The following NEB variants were observed in gnomAD, a reference collection of about 807,000 sequenced individuals.
NEB encodes the protein nemaline myopathy type 2.
In NEB, 512 loss-of-function variants were observed where a neutral mutation model predicts 952.2. The observed-to-expected ratio is 0.54, with a 90% CI of 0.50 to 0.58. The LOEUF is 0.58. NEB is among the 20% of genes least tolerant of loss of function. The pLI, the probability that NEB is intolerant of heterozygous loss-of-function variation, is 0.00. For synonymous variants in NEB, 2,900 were observed against 3,149.8 expected (o/e 0.92, Z 2.66); for missense variants, 8,428 against 9,231.1 (o/e 0.91, Z 3.56).
chr2:151,514,771 G>T, intron 158 of NEB, 47 bp downstream of exon 158: 2 of 1,263,784 alleles, frequency 1.6e-6, no homozygotes, highest in Non-Finnish European at 2.2e-6. Flanking sequence ...TGTCACTAGT[G>T]CAATTATTTG....
chr2:151,545,809 G>T, intron 135 of NEB, 79 bp downstream of exon 135: 1 of 829,410 alleles, frequency 1.2e-6, no homozygotes, highest in Non-Finnish European at 1.9e-6. Context: ...GATCACTAGA[G>T]GAACTAAGAG....
At chr2:151,669,241 G>A (rs772555370) in intron 38 of NEB, 110 bp from the exon 39 acceptor site, 23 of 738,920 alleles carry the variant, frequency 3.1e-5, no homozygotes, top group Non-Finnish European at 4.1e-5. Flanking sequence ...TTCCATTTAC[G>A]AGACAAATAC....
intron 107 of NEB, among the ~76,000 whole-genome samples, chr2:151,571,892 G>C (rs1314745669): frequency 6.6e-6 from 1 of 152,154 alleles, no homozygotes; most frequent in Non-Finnish European, 1.5e-5. Flanking sequence ...AAAAATGAGT[G>C]CTCAAATTTT....
intron 164 of NEB, 43 bp from the exon 165 acceptor site, chr2:151,505,613 T>C (rs368764053): frequency 1.2e-5 from 18 of 1,465,156 alleles, no homozygotes; most frequent in Non-Finnish European, 1.4e-5. Flanking sequence ...TATTACATGC[T>C]GGACTGTTAT....
At chr2:151,516,423 G>A in intron 157 of NEB, 36 bp downstream of exon 157, 1 of 1,404,764 alleles carries the variant, frequency 7.1e-7, no homozygotes, top group Non-Finnish European at 1.0e-6. Flanking sequence ...GTAGTGTGAT[G>A]GATCATTGTT....
At position 151,631,096 on chromosome 2, in the gene NEB, T is replaced by C. The variant is rs1390260949; in HGVS notation, c.9618+47A>G. ...GACTCCATTAGTCATTAAAGTATAATAACATCTTCTGGCATCTTGGAGAAG... is the reference window on the plus strand; with the variant it reads ...GACTCCATTAGTCATTAAAGTATAACAACATCTTCTGGCATCTTGGAGAAG... On this transcript the variant is annotated intron_variant, in intron 66 of 181. Coordinates refer to ENST00000397345, the MANE Select transcript of NEB (RefSeq NM_001164508.2). The C allele has an allele frequency of 1.8e-5, 29 of 1,604,884 alleles. No homozygotes were observed. In the Admixed American group the frequency reaches 4.8e-4, roughly 27 times the overall value.
chr2:151,721,442 C>T (rs1313878177), intron 9 of NEB, among the ~76,000 whole-genome samples: 1 of 152,074 alleles, frequency 6.6e-6, no homozygotes, highest in Non-Finnish European at 1.5e-5. Flanking sequence ...TACCTGTGTC[C>T]CCTTGTTCAA....
intron 9 of NEB, among the ~76,000 whole-genome samples, chr2:151,721,656 T>C (rs1029606693): frequency 6.6e-6 from 1 of 152,236 alleles, no homozygotes; most frequent in African/African-American, 2.4e-5. Context: ...TTATAAATTC[T>C]AAGAGGAAAG....
In NEB at chr2:151,568,078, T is replaced by C; in HGVS notation, c.17837A>G (p.Gln5946Arg). Residue 5946 changes from glutamine (Q) to arginine (R), a missense_variant, in exon 113 of 182, where the codon CAG becomes CGG. Physicochemically the swap from Gln to Arg is conservative, Grantham distance 43. Transcript: ENST00000397345. The stretch of plus-strand genomic sequence containing the variant: ...CCCATCAGGATGTATTACCTCACTC[T>C]GAACGTCATTGCAGTGATGGGCATG... ...FVHAHHCNDV[Q>R]SELKYKAEHV... is the part of the protein sequence containing the mutation. 6.2e-7 allele frequency: 1 copy of C among 1,613,130 alleles called. No homozygotes were observed. Among genetic ancestry groups the C allele is most frequent in the Non-Finnish European group, 8.5e-7 (1 of 1,179,360 alleles).
intron 10 of NEB, among the ~76,000 whole-genome samples, chr2:151,712,628 T>G (rs572475180): frequency 6.6e-6 from 1 of 152,226 alleles, no homozygotes; most frequent in African/African-American, 2.4e-5. Context: ...AGGAGGAGGC[T>G]GGAGCTTGCT....
chr2:151,633,540 C>A (rs750221285), intron 65 of NEB, 114 bp downstream of exon 65: 1 of 1,356,720 alleles, frequency 7.4e-7, no homozygotes, highest in Non-Finnish European at 9.8e-7. Flanking sequence ...TGATTTAAAT[C>A]TTATTCATGG....
intron 161 of NEB, among the ~76,000 whole-genome samples, chr2:151,509,327 A>AAAAC (rs74954359): frequency 0.27 from 40,917 of 152,042 alleles, 6,218 homozygotes; most frequent in Admixed American, 0.4. Flanking sequence ...AGATGTAAGG[A>AAAAC]AAACAGTTCT....
At chr2:151,619,312 T>G in intron 73 of NEB, 139 bp downstream of exon 73, 1 of 977,866 alleles carries the variant, frequency 1.0e-6, no homozygotes, top group Non-Finnish European at 1.5e-6. Flanking sequence ...GTACCTCCAA[T>G]GGGAAACTCC....
At chr2:151,554,134 G>A in intron 125 of NEB, 109 bp from the exon 126 acceptor site, 6 of 941,130 alleles carry the variant, frequency 6.4e-6, no homozygotes, top group Non-Finnish European at 8.3e-6. Context: ...TGGGGGCAGG[G>A]CAGTGACTGG....
intron 54 of NEB, among the ~76,000 whole-genome samples, chr2:151,649,070 G>A (rs1030902064): frequency 6.6e-6 from 1 of 152,100 alleles, no homozygotes; most frequent in African/African-American, 2.4e-5. Flanking sequence ...ATTAAGTTCA[G>A]ATCTTTTTAT....
chr2:151,640,070 C>A lies in NEB; in HGVS notation c.8686-10G>T, dbSNP rs769262070. On this transcript the variant is annotated splice_polypyrimidine_tract_variant and intron_variant, in intron 61 of 181. Coordinates refer to ENST00000397345, the MANE Select transcript of NEB (RefSeq NM_001164508.2). ...CAGACTTGTACATATTCTGTTGACACAAATAGCCAATAAATATTTATCTCT... is the reference window on the plus strand; with the variant it reads ...CAGACTTGTACATATTCTGTTGACAAAAATAGCCAATAAATATTTATCTCT... 2 of 1,604,136 alleles carry A rather than the reference C, an allele frequency of 1.2e-6. No individual in the cohort carries two copies.
At chr2:151,488,478 C>CAA (rs567755362) in intron 181 of NEB, among the ~76,000 whole-genome samples, 101 of 95,730 alleles carry the variant, frequency 1.1e-3, no homozygotes, top group African/African-American at 3.0e-3. Context: ...GAGCCTCTAC[C>CAA]AAAAAAAAAA....
chr2:151,662,282 G>A lies in NEB; in HGVS notation c.5823C>T (p.Gly1941=). The change falls in exon 46 of 182, where the codon GGC becomes GGT. Residue 1941 remains glycine, a synonymous_variant. Coordinates refer to ENST00000397345, the MANE Select transcript of NEB (RefSeq NM_001164508.2). ...TCTTGTTTTTCTCTGCTTCCAGGGA[G>A]CCCAGAGGGAGCCATCCAATGCCCT... ...FMKGIGWLPL[G]SLEAEKNKKA... is the part of the protein sequence containing the mutation. 6.2e-7 allele frequency: 1 copy of A among 1,613,598 alleles called. No homozygotes were observed. Among genetic ancestry groups the A allele is most frequent in the Non-Finnish European group, 8.5e-7 (1 of 1,179,630 alleles).
rs763526873 is a variant in NEB at position 151,561,254 on chromosome 2, G to A, written c.19055C>T (p.Thr6352Met). 1.9e-5 allele frequency: 31 copies of A among 1,608,212 alleles called. No individual in the cohort carries two copies. Among genetic ancestry groups the A allele is most frequent in the Admixed American group, 3.4e-5 (2 of 59,236 alleles). The change falls in exon 122 of 182, where the codon ACG becomes ATG. Residue 6352 changes from threonine to methionine, a missense_variant. Around this residue, in one of 11 missense-constraint regions of NEB, gnomAD observed 3,374 missense variants for 3,651.5 expected, o/e 0.92. Transcript: ENST00000397345. ...CTGAACAGCAGTCACATAGAGGGGC[G>A]TGTCTGTGACCAGATTATAGTTTTG... Reference protein sequence around the residue: ...NLQNYNLVTDTPLYVTAVQSG... With the variant: ...NLQNYNLVTDMPLYVTAVQSG...
Sources: gnomAD v4.1 joint callset for allele counts (sites outside exome capture counted in the v4.1 genomes callset) on GRCh38, gnomAD v4.1.1 for gene constraint, gnomAD v4.1.1 regional missense constraint, MANE v1.5 for transcripts, NCBI Gene and HGNC (gene_info 2026-07-23, HGNC 2026-07-21) for gene names.